The following SND1 variants were observed in gnomAD, a reference collection of about 807,000 sequenced individuals.
The protein encoded by SND1 is staphylococcal nuclease domain-containing protein 1.
A neutral mutation model predicts 121.7 loss-of-function variants in SND1; 38 were observed. The observed-to-expected ratio is 0.31, with a 90% CI of 0.24 to 0.41. The LOEUF (loss-of-function observed/expected upper bound fraction) is 0.41. Among genes scored for constraint, SND1 ranks in the 10% least tolerant of loss-of-function variants. The probability of loss-of-function intolerance (pLI) is 1.00; values close to 1 mark genes in which losing one functional copy is unlikely to be tolerated. For synonymous variants in SND1, 401 were observed against 447.4 expected, an observed-to-expected ratio of 0.90 and a Z score of 1.31; for missense variants, 868 against 1,184.6, an observed-to-expected ratio of 0.73 and a Z score of 3.92.
chr7:127,908,773 T>G (rs1584658583), intron 14 of SND1, among the ~76,000 whole-genome samples: 1 of 152,216 alleles, frequency 6.6e-6, no homozygotes, highest in East Asian at 1.9e-4. Flanking sequence ...CAGTGTTCTT[T>G]ATCTCAGGTT....
chr7:128,044,975 A>G (rs1792921090), intron 16 of SND1, among the ~76,000 whole-genome samples: 1 of 152,152 alleles, frequency 6.6e-6, no homozygotes. Context: ...ATTAGCACAG[A>G]TTACAGGGTC....
At chr7:128,005,120 T>C (rs1170940413) in intron 16 of SND1, among the ~76,000 whole-genome samples, 1 of 152,252 alleles carries the variant, frequency 6.6e-6, no homozygotes, top group Non-Finnish European at 1.5e-5. Context: ...TGAGATAGCC[T>C]ATCCCAACAC....
intron 10 of SND1, among the ~76,000 whole-genome samples, chr7:127,724,502 G>C (rs1399489021): frequency 6.6e-6 from 1 of 152,164 alleles, no homozygotes; most frequent in Admixed American, 6.5e-5. Flanking sequence ...GGATACTCAG[G>C]AAGGGAGAGA....
chr7:127,680,213 G>T (rs1394657894), intron 1 of SND1, among the ~76,000 whole-genome samples: 1 of 152,108 alleles, frequency 6.6e-6, no homozygotes, highest in East Asian at 1.9e-4. Context: ...CAAGGTAATA[G>T]ACTATCACAA....
chr7:127,899,078 T>C (rs1480708314), intron 13 of SND1, among the ~76,000 whole-genome samples: 1 of 152,152 alleles, frequency 6.6e-6, no homozygotes, highest in Admixed American at 6.5e-5. Flanking sequence ...CACACTTTAA[T>C]TGAACTAGAT....
intron 12 of SND1, among the ~76,000 whole-genome samples, chr7:127,885,331 T>G (rs1799880672): frequency 1.3e-5 from 2 of 152,158 alleles, no homozygotes; most frequent in South Asian, 4.1e-4. Context: ...CCAATGGTGA[T>G]GGTTGTTATC....
At chr7:128,006,547 AG>A (rs1802982759) in intron 16 of SND1, among the ~76,000 whole-genome samples, 1 of 152,228 alleles carries the variant, frequency 6.6e-6, no homozygotes. Flanking sequence ...GACTCTTAAG[AG>A]GGAAGTTGGC....
intron 8 of SND1, among the ~76,000 whole-genome samples, chr7:127,706,119 TAC>T (rs1353296330): frequency 5.3e-5 from 8 of 152,220 alleles, no homozygotes; most frequent in Admixed American, 6.5e-5. Context: ...CCGTATCAAG[TAC>T]AGTGTTCCAA....
chr7:127,717,669 G>A (rs770684152), intron 9 of SND1, among the ~76,000 whole-genome samples: 1 of 152,152 alleles, frequency 6.6e-6, no homozygotes, highest in Non-Finnish European at 1.5e-5. Flanking sequence ...GTATCTGTGT[G>A]TCATTCTCAG....
chr7:127,702,588 C>T lies in SND1; in HGVS notation c.681+62C>T. 3 of 1,342,186 alleles carry T rather than the reference C, an allele frequency of 2.2e-6. No homozygotes were observed. In the South Asian group the frequency reaches 3.5e-5, roughly 16 times the overall value. 83.1% of individuals were successfully genotyped at this position (1,342,186 alleles called of 1,614,324 possible). On this transcript the variant is annotated intron_variant, in intron 6 of 23. Transcript: ENST00000354725. ...GTGTGTGGATGTTCAGTGATGGATT[C>T]TTCTACTTGGGGACTTCGGATCTGC...
intron 15 of SND1, among the ~76,000 whole-genome samples, chr7:127,963,517 T>C (rs554125499): frequency 6.7e-4 from 73 of 109,472 alleles, no homozygotes; most frequent in African/African-American, 2.6e-3. Flanking sequence ...GGTTTTTTGT[T>C]CTTGCGATAG....
At chr7:127,715,893 T>G (rs969640215) in intron 9 of SND1, among the ~76,000 whole-genome samples, 5 of 152,212 alleles carry the variant, frequency 3.3e-5, no homozygotes, top group African/African-American at 1.2e-4. Flanking sequence ...GTTTTTAGTT[T>G]TGGTGTTACA....
At chr7:127,826,768 T>C (rs567483432) in intron 11 of SND1, among the ~76,000 whole-genome samples, 6 of 152,340 alleles carry the variant, frequency 3.9e-5, no homozygotes, top group South Asian at 4.1e-4. Flanking sequence ...ATTTTTAAAA[T>C]TTTTGACGTG....
At chr7:127,991,142 TG>T in intron 16 of SND1, 86 bp downstream of exon 16, 2 of 891,182 alleles carry the variant, frequency 2.2e-6, no homozygotes, top group Admixed American at 4.2e-5. Context: ...ATCAGTCTGT[TG>T]TTTTTTCCAC....
intron 8 of SND1, among the ~76,000 whole-genome samples, chr7:127,706,218 A>AC (rs1554414042): frequency 5.6e-4 from 78 of 140,172 alleles, no homozygotes; most frequent in African/African-American, 2.0e-3. Context: ...AATTAATTTG[A>AC]TTTTTTTTGC....
chr7:127,673,737 G>T (rs1795566478), intron 1 of SND1, among the ~76,000 whole-genome samples: 1 of 152,132 alleles, frequency 6.6e-6, no homozygotes, highest in Admixed American at 6.5e-5. Context: ...TTTTATTCAT[G>T]TATTTATTCA....
chr7:128,048,641 G>A (rs545800213), intron 16 of SND1, among the ~76,000 whole-genome samples: 51 of 152,286 alleles, frequency 3.3e-4, no homozygotes, highest in African/African-American at 1.2e-3. Flanking sequence ...CAGCTTCTCA[G>A]TGGTGGCCTG....
intron 10 of SND1, among the ~76,000 whole-genome samples, chr7:127,779,551 G>A (rs760696608): frequency 1.3e-5 from 2 of 152,146 alleles, no homozygotes; most frequent in Non-Finnish European, 2.9e-5. Context: ...TTTATATACT[G>A]TTTGCTCCGA....
In SND1 at chr7:128,029,164, C is replaced by T. The variant is rs1481748327; in HGVS notation, c.1779+38108C>T. On this transcript the variant is annotated intron_variant, in intron 16 of 23. Coordinates refer to ENST00000354725, the MANE Select transcript of SND1 (RefSeq NM_014390.4). This position sits in a 1 kb window ranked among gnomAD's most constrained non-coding sequence, Gnocchi z 4.2. ...GGCACACGGGTAGTCTGAATGAGCA[C>T]CGTGGTAGAGGTGGTATATGCCGGC... 1.2e-6 allele frequency: 2 copies of T among 1,613,980 alleles called. No individual in the cohort carries two copies. Among genetic ancestry groups the T allele is most frequent in the South Asian group, 1.1e-5 (1 of 91,058 alleles).
Sources: allele counts gnomAD v4.1 joint callset (sites outside exome capture counted in the v4.1 genomes callset), GRCh38; gene constraint gnomAD v4.1.1; non-coding constraint Gnocchi (gnomAD v3.1); transcripts MANE v1.5; gene names NCBI Gene and HGNC (gene_info 2026-07-23, HGNC 2026-07-21).